Variants in PTPRD observed in about 807,000 individuals in gnomAD.
PTPRD encodes receptor-type tyrosine-protein phosphatase delta.
In PTPRD, 34 loss-of-function variants were observed where a neutral mutation model predicts 214.5. The ratio of observed to expected loss-of-function variants is 0.16; its 90% CI spans 0.12 to 0.21. The LOEUF (loss-of-function observed/expected upper bound fraction) is 0.21. PTPRD is among the 10% of genes least tolerant of loss of function. PTPRD has a pLI of 1.00. For missense variants in PTPRD, 2,545 were observed against 2,398.7 expected (o/e 1.06, Z -1.27); for synonymous variants, 1,128 against 845.7 (o/e 1.33, Z -5.79).
chr9:8,747,177 G>T (rs963644692), intron 11 of PTPRD, among the ~76,000 whole-genome samples: 1 of 151,944 alleles, frequency 6.6e-6, no homozygotes, highest in Non-Finnish European at 1.5e-5. Context: ...TAAATCATAG[G>T]TTTAATCATG....
chr9:10,606,619 G>T (rs1235426438), intron 2 of PTPRD, among the ~76,000 whole-genome samples: 3 of 150,354 alleles, frequency 2.0e-5, no homozygotes, highest in Non-Finnish European at 3.0e-5. Flanking sequence ...TTTTCTATGT[G>T]GTATAAAGAA....
chr9:10,156,078 T>TGTGTG (rs1005165885), intron 3 of PTPRD, among the ~76,000 whole-genome samples: 4 of 132,638 alleles, frequency 3.0e-5, no homozygotes, highest in African/African-American at 1.1e-4. Context: ...TTTTGAATGT[T>TGTGTG]TGTGTGTGTG....
rs1221286603 is a variant in PTPRD at position 10,456,066 on chromosome 9, A to G, written c.-599-115049T>C. The stretch of plus-strand genomic sequence containing the variant: ...AGAACCAAGTAGAAAGAAGTCTTGT[A>G]GTCTTTGTCTATTACATAAAGATGA... On this transcript the variant is annotated intron_variant, in intron 2 of 45. Transcript: ENST00000381196. 5.9e-5 allele frequency among the ~76,000 whole-genome samples: 9 copies of G among 152,000 alleles called. No individual in the cohort carries two copies. The South Asian group carries it at 8.3e-4, about 14-fold the overall frequency.
intron 4 of PTPRD, among the ~76,000 whole-genome samples, chr9:9,963,186 C>T (rs1305096198): frequency 6.6e-6 from 1 of 151,958 alleles, no homozygotes; most frequent in Admixed American, 6.6e-5. Flanking sequence ...TAATACAATA[C>T]TGAGATTTAA....
chr9:10,047,127 C>T (rs894796429), intron 3 of PTPRD, among the ~76,000 whole-genome samples: 3 of 151,656 alleles, frequency 2.0e-5, no homozygotes, highest in African/African-American at 7.3e-5. Context: ...CTATAGCATA[C>T]GTAAGTTAAA....
chr9:9,739,097 T>A (rs988791544), intron 6 of PTPRD, among the ~76,000 whole-genome samples: 1 of 152,230 alleles, frequency 6.6e-6, no homozygotes, highest in Admixed American at 6.5e-5. Context: ...AATAGTTTTA[T>A]CTAGTCTATT....
At chr9:8,318,412 C>A (rs1467753143) in intron 45 of PTPRD, among the ~76,000 whole-genome samples, 4 of 152,034 alleles carry the variant, frequency 2.6e-5, no homozygotes, top group Non-Finnish European at 4.4e-5. Context: ...TACTTATCTT[C>A]TGAACTACTG....
intron 6 of PTPRD, among the ~76,000 whole-genome samples, chr9:9,742,353 A>C (rs1257035424): frequency 1.3e-5 from 2 of 152,160 alleles, no homozygotes; most frequent in Non-Finnish European, 2.9e-5. Context: ...AGCATGTAAA[A>C]AGAAATGTGA....
chr9:10,189,642 C>T (rs995597019), intron 3 of PTPRD, among the ~76,000 whole-genome samples: 2 of 151,946 alleles, frequency 1.3e-5, no homozygotes, highest in African/African-American at 4.8e-5. Flanking sequence ...AGGAATCCTG[C>T]CCTCACAGAA....
chr9:9,119,566 G>A (rs958303206), intron 10 of PTPRD, among the ~76,000 whole-genome samples: 3 of 150,514 alleles, frequency 2.0e-5, no homozygotes, highest in Non-Finnish European at 4.4e-5. Flanking sequence ...GTCTCAGTCT[G>A]TAGCCCAAGC....
intron 9 of PTPRD, among the ~76,000 whole-genome samples, chr9:9,376,428 A>C (rs1387400214): frequency 6.6e-6 from 1 of 152,138 alleles, no homozygotes; most frequent in Non-Finnish European, 1.5e-5. Flanking sequence ...AAATTACAAC[A>C]TGCATGCAAT....
intron 2 of PTPRD, among the ~76,000 whole-genome samples, chr9:10,601,910 C>T (rs1316578678): frequency 6.6e-6 from 1 of 151,686 alleles, no homozygotes; most frequent in Non-Finnish European, 1.5e-5. Context: ...AACAAGTAAT[C>T]AGAAGACCTT....
chr9:9,139,063 T>C (rs1425427875), intron 10 of PTPRD, among the ~76,000 whole-genome samples: 1 of 152,044 alleles, frequency 6.6e-6, no homozygotes, highest in East Asian at 1.9e-4. Context: ...CAAATTTGGG[T>C]ATCATCTATT....
intron 4 of PTPRD, among the ~76,000 whole-genome samples, chr9:9,992,532 A>T (rs1447570365): frequency 6.6e-6 from 1 of 152,174 alleles, no homozygotes; most frequent in East Asian, 1.9e-4. Flanking sequence ...TCACAATAGC[A>T]AAGACTTGGA....
intron 2 of PTPRD, among the ~76,000 whole-genome samples, chr9:10,429,328 A>G (rs1475251078): frequency 1.3e-5 from 2 of 151,988 alleles, no homozygotes; most frequent in East Asian, 1.9e-4. Flanking sequence ...CAATCCCACT[A>G]CTGGGTATCT....
intron 9 of PTPRD, among the ~76,000 whole-genome samples, chr9:9,191,769 A>C (rs1169818577): frequency 6.6e-6 from 1 of 152,100 alleles, no homozygotes. Flanking sequence ...AATTAATAAA[A>C]TTTATATAGG....
In PTPRD at chr9:9,906,551, A is replaced by G. The variant is rs572477779; in HGVS notation, c.-368+31956T>C. ...ATCCAAAATAAATGCTTAATAAAGA[A>G]GTTAGTTGAAGACAGACATTCCTAT... On this transcript the variant is annotated intron_variant, in intron 5 of 45. Coordinates refer to ENST00000381196, the MANE Select transcript of PTPRD (RefSeq NM_002839.4). 1.3e-5 allele frequency among the ~76,000 whole-genome samples: 2 copies of G among 151,984 alleles called. 1 individual carries two copies. The highest frequency in any genetic ancestry group is 4.1e-4 in the South Asian group (2 of 4,834).
chr9:10,599,234 T>A lies in PTPRD; in HGVS notation c.-600+13164A>T, dbSNP rs376204378. 2.6e-5 allele frequency among the ~76,000 whole-genome samples: 4 copies of A among 151,718 alleles called. No homozygotes were observed. In the South Asian group the frequency reaches 8.3e-4, roughly 31 times the overall value. On this transcript the variant is annotated intron_variant, in intron 2 of 45. Transcript: ENST00000381196. ...CTACGAATGACCATGAAAAAAACCA[T>A]GTCATCCCATCAGCCTGAACTACTC...
chr9:9,465,444 A>G (rs2094059696), intron 8 of PTPRD, among the ~76,000 whole-genome samples: 1 of 152,212 alleles, frequency 6.6e-6, no homozygotes, highest in Non-Finnish European at 1.5e-5. Flanking sequence ...GAGTCAGAGG[A>G]GTCCATTACT....
Sources: gnomAD v4.1 joint callset for allele counts (sites outside exome capture counted in the v4.1 genomes callset) on GRCh38, gnomAD v4.1.1 for gene constraint, MANE v1.5 for transcripts, NCBI Gene and HGNC (gene_info 2026-07-23, HGNC 2026-07-21) for gene names.